PKHD1: variants seen among roughly 807,000 people sequenced by gnomAD.
The protein encoded by PKHD1 is PKHD1 ciliary IPT domain containing fibrocystin/polyductin.
Under a neutral mutation model 412.0 loss-of-function variants are expected in PKHD1, and 291 were observed. The observed-to-expected ratio is 0.71, with a 90% CI of 0.64 to 0.78. PKHD1 has a LOEUF of 0.78. PKHD1 is among the 30% of genes least tolerant of loss of function. PKHD1 has a pLI of 0.00. For missense variants in PKHD1, 4,825 were observed against 4,950.7 expected, an observed-to-expected ratio of 0.97 and a Z score of 0.76; for synonymous variants, 1,777 against 1,821.5, an observed-to-expected ratio of 0.98 and a Z score of 0.62.
intron 50 of PKHD1, among the ~76,000 whole-genome samples, chr6:51,841,754 C>T (rs1442206869): frequency 6.6e-6 from 1 of 152,208 alleles, no homozygotes; most frequent in African/African-American, 2.4e-5. Context: ...CCAGCTGACG[C>T]CACTCTCCTC....
At chr6:51,688,210 T>G (rs1044571083) in intron 60 of PKHD1, among the ~76,000 whole-genome samples, 1 of 152,230 alleles carries the variant, frequency 6.6e-6, no homozygotes, top group Non-Finnish European at 1.5e-5. Context: ...CTTCACAGAA[T>G]GAATCAGTAC....
intron 43 of PKHD1, among the ~76,000 whole-genome samples, chr6:51,897,194 T>A (rs972769408): frequency 2.0e-5 from 3 of 151,916 alleles, no homozygotes; most frequent in African/African-American, 7.3e-5. Context: ...GAAGAGCAAC[T>A]CCAAGACACA....
intron 60 of PKHD1, among the ~76,000 whole-genome samples, chr6:51,662,806 C>T (rs1030460674): frequency 5.3e-5 from 8 of 151,890 alleles, no homozygotes; most frequent in Non-Finnish European, 1.2e-4. Context: ...CCAACACATT[C>T]AACAACTTAA....
intron 37 of PKHD1, among the ~76,000 whole-genome samples, chr6:51,913,551 T>A (rs1286495707): frequency 6.6e-6 from 1 of 152,098 alleles, no homozygotes; most frequent in Non-Finnish European, 1.5e-5. Flanking sequence ...CCCTACTCCT[T>A]CCTCTTTCTG....
intron 55 of PKHD1, among the ~76,000 whole-genome samples, chr6:51,759,607 C>T (rs1385180512): frequency 6.6e-6 from 1 of 152,062 alleles, no homozygotes; most frequent in Non-Finnish European, 1.5e-5. Flanking sequence ...GGGCTTGATA[C>T]AGTCTTCAAA....
At chr6:51,635,876 C>CGGGGGG (rs1581768607) in intron 64 of PKHD1, among the ~76,000 whole-genome samples, 19 of 41,508 alleles carry the variant, frequency 4.6e-4, no homozygotes, top group Admixed American at 9.3e-4. Flanking sequence ...GGCGGGGGGC[C>CGGGGGG]GGGGGCGGAT....
chr6:51,865,268 C>G (rs1451179492), intron 48 of PKHD1, among the ~76,000 whole-genome samples: 2 of 152,164 alleles, frequency 1.3e-5, no homozygotes, highest in African/African-American at 4.8e-5. Flanking sequence ...AAAACATAAA[C>G]TAGACTCTGC....
In PKHD1 at chr6:51,655,766, G is replaced by C. The variant is rs116799112; in HGVS notation, c.11174+3186C>G. Among the ~76,000 whole-genome samples, 1,030 of 152,040 alleles carry C rather than the reference G, an allele frequency of 6.8e-3. 12 individuals carry two copies. Among genetic ancestry groups the C allele is most frequent in the African/African-American group, 0.024 (979 of 41,490 alleles). On this transcript the variant is annotated intron_variant, in intron 61 of 66. Coordinates refer to ENST00000371117, the MANE Select transcript of PKHD1 (RefSeq NM_138694.4). ...CATTTCCTATGACTACAGAATTGAG[G>C]TCCCTGAAAAACCACAATGAGATAC...
intron 27 of PKHD1, among the ~76,000 whole-genome samples, chr6:52,038,870 A>C (rs947060317): frequency 1.3e-5 from 2 of 152,216 alleles, no homozygotes; most frequent in African/African-American, 4.8e-5. Flanking sequence ...AAGCAATAAC[A>C]ATAAATATAA....
At chr6:51,975,455 C>A (rs1388475547) in intron 35 of PKHD1, among the ~76,000 whole-genome samples, 1 of 151,830 alleles carries the variant, frequency 6.6e-6, no homozygotes, top group Admixed American at 6.6e-5. Flanking sequence ...ACAACCATAA[C>A]AACAAAACCT....
chr6:52,020,887 A>C (rs369320294), intron 33 of PKHD1, among the ~76,000 whole-genome samples: 2 of 146,346 alleles, frequency 1.4e-5, no homozygotes, highest in African/African-American at 2.5e-5. Flanking sequence ...TTGACATTTG[A>C]TGTCCATTAT....
intron 53 of PKHD1, among the ~76,000 whole-genome samples, chr6:51,781,582 T>C (rs886869574): frequency 6.6e-6 from 1 of 152,076 alleles, no homozygotes; most frequent in Non-Finnish European, 1.5e-5. Flanking sequence ...AATGATAAAA[T>C]AGGCACAATA....
intron 66 of PKHD1, among the ~76,000 whole-genome samples, chr6:51,624,104 G>A (rs545014001): frequency 2.6e-5 from 4 of 151,738 alleles, no homozygotes; most frequent in Non-Finnish European, 4.4e-5. Flanking sequence ...TGCCCAGGTT[G>A]GAGTGCAGTG....
intron 28 of PKHD1, among the ~76,000 whole-genome samples, chr6:52,034,150 G>A (rs1441845592): frequency 2.8e-5 from 4 of 140,610 alleles, no homozygotes; most frequent in Non-Finnish European, 6.1e-5. Context: ...CAAAAGACAT[G>A]TTTAGAAAAT....
At position 52,035,688 on chromosome 6, in the gene PKHD1, A is replaced by G; in HGVS notation, c.3131T>C (p.Leu1044Ser). 1 of 1,613,946 alleles carries G rather than the reference A, an allele frequency of 6.2e-7. No homozygotes were observed. Among genetic ancestry groups the G allele is most frequent in the Non-Finnish European group, 8.5e-7 (1 of 1,179,836 alleles). Residue 1044 changes from leucine to serine, a missense_variant, in exon 28 of 67, where the codon TTG becomes TCG. Physicochemically the swap from Leu to Ser is moderately radical, Grantham distance 145. Coordinates refer to ENST00000371117, the MANE Select transcript of PKHD1 (RefSeq NM_138694.4). ...AAATAATATCAGGCTAACACCTTCC[A>G]AACTAGAGCCTCGGATGGTGGCCCA... is the stretch of plus-strand genomic sequence containing the variant. ...GLWATIRGSS[L>S]EGVSLILFGS...
intron 21 of PKHD1, 119 bp downstream of exon 21, chr6:52,052,957 G>A (rs1807098364): frequency 1.1e-6 from 1 of 873,396 alleles, no homozygotes. Flanking sequence ...CTAGAGCCAA[G>A]GCAGGCAAAA....
At chr6:51,692,674 T>C (rs1409870686) in intron 60 of PKHD1, among the ~76,000 whole-genome samples, 4 of 152,180 alleles carry the variant, frequency 2.6e-5, no homozygotes, top group African/African-American at 9.6e-5. Context: ...AACTGACAGA[T>C]GCATAAGTTT....
chr6:51,870,804 GA>G (rs1449048706), intron 46 of PKHD1, among the ~76,000 whole-genome samples, 165 bp from the exon 47 acceptor site: 1 of 151,670 alleles, frequency 6.6e-6, no homozygotes, highest in Non-Finnish European at 1.5e-5. Context: ...CCAGAATATA[GA>G]AAGAACTCTT....
chr6:51,929,212 A>G (rs1786198591), intron 37 of PKHD1, among the ~76,000 whole-genome samples: 1 of 152,168 alleles, frequency 6.6e-6, no homozygotes, highest in Non-Finnish European at 1.5e-5. Context: ...CCCTACATCA[A>G]AGAACAGACT....
Sources: gnomAD v4.1 joint callset for allele counts (sites outside exome capture counted in the v4.1 genomes callset) on GRCh38, gnomAD v4.1.1 for gene constraint, MANE v1.5 for transcripts, NCBI Gene and HGNC (gene_info 2026-07-23, HGNC 2026-07-21) for gene names.